The following TMBIM1 variants were observed in gnomAD, a reference collection of about 807,000 sequenced individuals.
TMBIM1 encodes transmembrane BAX inhibitor motif containing 1.
Under a neutral mutation model 45.1 loss-of-function variants are expected in TMBIM1, and 34 were observed. The observed-to-expected ratio is 0.75, with a 90% CI of 0.57 to 1.00. The LOEUF (loss-of-function observed/expected upper bound fraction) is 1.00, where lower values mean the gene tolerates loss of function less well. TMBIM1 is among the 50% of genes least tolerant of loss of function. The pLI is 0.00. For missense variants in TMBIM1, 374 were observed against 402.4 expected (o/e 0.93, Z 0.60); for synonymous variants, 157 against 153.5 (o/e 1.02, Z -0.17).
chr2:218,277,120 G>T, intron 9 of TMBIM1, 21 bp from the exon 10 acceptor site: 1 of 1,608,222 alleles, frequency 6.2e-7, no homozygotes, highest in South Asian at 1.1e-5. Flanking sequence ...GCAAGAAAGA[G>T]GCACCTGTCA....
In TMBIM1 at chr2:218,275,576, T is replaced by C. The variant is rs754073589; in HGVS notation, c.835A>G (p.Thr279Ala). The C allele has an allele frequency of 1.5e-5, 25 of 1,613,802 alleles. No individual in the cohort carries two copies. The highest frequency in any genetic ancestry group is 2.1e-5 in the Non-Finnish European group (25 of 1,179,978). The change falls in exon 12 of 12, where the codon ACC (threonine) becomes GCC (alanine). Residue 279 changes from threonine to alanine, a missense_variant. Physicochemically the swap from Thr to Ala is moderately conservative, Grantham distance 58. Transcript: ENST00000258412. ...GTGATGTAGTCCTCGGGGCTGATGGTGTGCTTCCGGTTCCCCAGGACCAGC... is the reference window on the plus strand; with the variant it reads ...GTGATGTAGTCCTCGGGGCTGATGGCGTGCTTCCGGTTCCCCAGGACCAGC... ...TQLVLGNRKH[T>A]ISPEDYITGA...
chr2:218,279,993 C>A, intron 3 of TMBIM1, 33 bp downstream of exon 3: 5 of 1,587,320 alleles, frequency 3.1e-6, no homozygotes, highest in Non-Finnish European at 4.3e-6. Context: ...CTGAGGGGCC[C>A]CAGGTACACC....
In TMBIM1 at chr2:218,277,078, C is replaced by CTG; in HGVS notation, c.659_660dup (p.Gly221GlnfsTer13). ...ACAATTCCCAGGACACAGAAGAGGC[C>CTG]TGTGCACGAGGTGAAGTCCACCTGC... On this transcript the variant is annotated frameshift_variant, in exon 10 of 12. Transcript: ENST00000258412. LOFTEE classifies it high-confidence loss of function. The CTG allele has an allele frequency of 6.2e-7, 1 of 1,614,186 alleles. No individual in the cohort carries two copies. Among genetic ancestry groups the CTG allele is most frequent in the South Asian group, 1.1e-5 (1 of 91,082 alleles).
chr2:218,277,124 C>T (rs780263252), intron 9 of TMBIM1, 25 bp from the exon 10 acceptor site: 1 of 1,601,176 alleles, frequency 6.2e-7, no homozygotes, highest in Non-Finnish European at 8.6e-7. Flanking sequence ...GAAAGAGGCA[C>T]CTGTCAGATG....
At chr2:218,292,164 G>A (rs1692972223) in intron 1 of TMBIM1, among the ~76,000 whole-genome samples, 1 of 152,206 alleles carries the variant, frequency 6.6e-6, no homozygotes, top group Non-Finnish European at 1.5e-5. Context: ...CCCGAAAGAG[G>A]GAACACGAGG....
intron 6 of TMBIM1, 35 bp from the exon 7 acceptor site, chr2:218,278,009 G>T (rs1347742602): frequency 6.2e-7 from 1 of 1,613,062 alleles, no homozygotes; most frequent in African/African-American, 1.3e-5. Context: ...TAAATGACTT[G>T]GGGCCCCTCA....
At chr2:218,283,623 T>C (rs1198910694) in intron 1 of TMBIM1, among the ~76,000 whole-genome samples, 1 of 152,220 alleles carries the variant, frequency 6.6e-6, no homozygotes, top group African/African-American at 2.4e-5. Context: ...TCAGAGGCTC[T>C]GCTGGAAGCA....
intron 11 of TMBIM1, 135 bp downstream of exon 11, chr2:218,275,891 C>G: frequency 9.0e-7 from 1 of 1,115,834 alleles, no homozygotes; most frequent in South Asian, 1.5e-5. Flanking sequence ...AATGGAATCT[C>G]TGGACAGTAG....
At chr2:218,279,601 G>T in intron 3 of TMBIM1, 1 of 505,862 alleles carries the variant, frequency 2.0e-6, no homozygotes, top group Non-Finnish European at 3.5e-6. Context: ...TGCCCTGCCT[G>T]GCCACCATAC....
chr2:218,281,919 A>C, intron 2 of TMBIM1, 21 bp downstream of exon 2: 1 of 1,566,900 alleles, frequency 6.4e-7, no homozygotes, highest in Non-Finnish European at 8.7e-7. Context: ...CCCACCTTCC[A>C]TCTGCCCTTC....
At position 218,277,465 on chromosome 2, in the gene TMBIM1, C is replaced by G. The variant is rs1559501097; in HGVS notation, c.552-12G>C. ...TGGTTTGGTACATACTGGGGAGAAGCAGGAGTTACAGACAAGAGGCATTAA... is the reference window on the plus strand; with the variant it reads ...TGGTTTGGTACATACTGGGGAGAAGGAGGAGTTACAGACAAGAGGCATTAA... On this transcript the variant is annotated splice_polypyrimidine_tract_variant and intron_variant, in intron 8 of 11. Transcript: ENST00000258412. The G allele has an allele frequency of 6.2e-7, 1 of 1,613,894 alleles. No individual in the cohort carries two copies. Among genetic ancestry groups the G allele is most frequent in the South Asian group, 1.1e-5 (1 of 91,080 alleles).
chr2:218,290,688 G>T (rs910201308), intron 1 of TMBIM1, among the ~76,000 whole-genome samples: 2 of 152,214 alleles, frequency 1.3e-5, no homozygotes, highest in Non-Finnish European at 2.9e-5. Context: ...AGACAAAAGT[G>T]GGAGCTCATT....
intron 5 of TMBIM1, among the ~76,000 whole-genome samples, 178 bp from the exon 6 acceptor site, chr2:218,278,743 A>G (rs548765552): frequency 6.6e-6 from 1 of 152,338 alleles, no homozygotes; most frequent in Non-Finnish European, 1.5e-5. Context: ...CTGAAGCACC[A>G]GGCTCCGGCC....
chr2:218,277,764 G>A, intron 7 of TMBIM1, 94 bp from the exon 8 acceptor site: 1 of 1,576,224 alleles, frequency 6.3e-7, no homozygotes, highest in Non-Finnish European at 8.7e-7. Context: ...CCAGAGCTGG[G>A]GAACGCCACC....
chr2:218,288,365 C>A (rs1244794714), intron 1 of TMBIM1, among the ~76,000 whole-genome samples: 1 of 152,054 alleles, frequency 6.6e-6, no homozygotes, highest in African/African-American at 2.4e-5. Flanking sequence ...GGAGGCGGAG[C>A]TTGCAGTGAG....
intron 2 of TMBIM1, chr2:218,280,805 C>CTTTTTTTTTTTTTTTTTTTTTTTTT (rs950294415): frequency 9.6e-6 from 1 of 104,040 alleles, no homozygotes; most frequent in African/African-American, 4.5e-5. Context: ...ACCTCATTTC[C>CTTTTTTTTTTTTTTTTTTTTTTTTT]TTTTTTTTTT....
At chr2:218,275,712 G>A (rs1386963883) in intron 11 of TMBIM1, 91 bp from the exon 12 acceptor site, 11 of 1,447,688 alleles carry the variant, frequency 7.6e-6, no homozygotes, top group Admixed American at 4.2e-5. Flanking sequence ...GGGCCTATGC[G>A]CCACACAGTG....
rs1692076463 is a variant in TMBIM1, at chr2:218,282,079, C to T, written c.63G>A (p.Pro21=). The T allele has an allele frequency of 6.4e-7, 1 of 1,573,506 alleles. No homozygotes were observed. Among genetic ancestry groups the T allele is most frequent in the Non-Finnish European group, 8.6e-7 (1 of 1,161,302 alleles). ...ATGGCTGCCCATAGCCCCCAGGGGG[C>T]GGAGGGCCTGGGTACAGGGGGTTGC... ...EDRNPLYPGP[P]PPGGYGQPSV... Residue 21 remains proline (P), a synonymous_variant, in exon 2 of 12, where the codon CCG becomes CCA. Transcript: ENST00000258412.
At chr2:218,276,641 A>AC (rs11403316) in intron 10 of TMBIM1, among the ~76,000 whole-genome samples, 53,412 of 151,694 alleles carry the variant, frequency 0.35, 9,830 homozygotes, top group Middle Eastern at 0.5. Context: ...GGATCCAGAG[A>AC]CCCCCGCAAG....
Sources: allele counts gnomAD v4.1 joint callset (sites outside exome capture counted in the v4.1 genomes callset), GRCh38; gene constraint gnomAD v4.1.1; transcripts MANE v1.5; gene names NCBI Gene and HGNC (gene_info 2026-07-23, HGNC 2026-07-21).